Variants in SEC23IP observed in about 807,000 individuals in gnomAD.
The protein encoded by SEC23IP is SEC23-interacting protein.
Under a neutral mutation model 113.4 loss-of-function variants are expected in SEC23IP, and 70 were observed. The ratio of observed to expected loss-of-function variants is 0.62; its 90% CI spans 0.51 to 0.75. The LOEUF is 0.75. Ranked by LOEUF, SEC23IP falls within the 30% of genes least tolerant of loss-of-function variation. SEC23IP has a pLI of 0.00. For missense variants in SEC23IP, 1,160 were observed against 1,204.9 expected (o/e 0.96, Z 0.55); for synonymous variants, 398 against 421.0 (o/e 0.95, Z 0.67).
intron 5 of SEC23IP, among the ~76,000 whole-genome samples, chr10:119,910,937 G>C (rs1170922622): frequency 6.6e-6 from 1 of 151,550 alleles, no homozygotes; most frequent in Non-Finnish European, 1.5e-5. Flanking sequence ...CTCCTGCCTC[G>C]GCCTCCCAAA....
chr10:119,916,707 G>A (rs1855064063), intron 8 of SEC23IP, among the ~76,000 whole-genome samples: 1 of 151,906 alleles, frequency 6.6e-6, no homozygotes, highest in African/African-American at 2.4e-5. Flanking sequence ...CACAAGTTTT[G>A]TCAGGTGTCC....
At chr10:119,906,581 T>A (rs1221359029) in intron 4 of SEC23IP, among the ~76,000 whole-genome samples, 1 of 151,750 alleles carries the variant, frequency 6.6e-6, no homozygotes, top group Non-Finnish European at 1.5e-5. Flanking sequence ...GAAAATAATT[T>A]ATTTATTTAT....
intron 1 of SEC23IP, among the ~76,000 whole-genome samples, chr10:119,893,474 G>C (rs1395983674): frequency 6.7e-6 from 1 of 148,264 alleles, no homozygotes; most frequent in East Asian, 2.0e-4. Flanking sequence ...CTAGAAGCCT[G>C]TAATATTTGT....
Position 119,908,505 on chromosome 10 carries a change from C to T in SEC23IP, c.1102-536C>T, listed in dbSNP as rs189807134. 3.3e-5 allele frequency among the ~76,000 whole-genome samples: 5 copies of T among 152,230 alleles called. No individual in the cohort carries two copies. In the East Asian group the frequency reaches 9.6e-4, roughly 29 times the overall value. On this transcript the variant is annotated intron_variant, in intron 4 of 18. Coordinates refer to ENST00000369075, the MANE Select transcript of SEC23IP (RefSeq NM_007190.4). ...TGAGGTTTTACTGGAATAGGATGGG[C>T]CCCAAAGCCAATATAACTTGTGATG...
At position 119,942,352 on chromosome 10, in the gene SEC23IP, C is replaced by CAT. The variant is rs1238268842; in HGVS notation, c.*1788_*1789insTA. The stretch of plus-strand genomic sequence containing the variant: ...ACATACATATATATATATACACACA[C>CAT]ACATATGTATGTATGTATGTATTAC... On this transcript the variant is annotated 3_prime_UTR_variant, in exon 19 of 19. Transcript: ENST00000369075. 1 of 152,084 alleles carries CAT rather than the reference C, an allele frequency of 6.6e-6. No homozygotes were observed. The highest frequency in any genetic ancestry group is 1.9e-4 in the East Asian group (1 of 5,194). 9.4% of individuals were successfully genotyped at this position (152,084 alleles called of 1,614,324 possible). A position where few individuals can be genotyped will look rare whatever the true frequency, so the allele number is the denominator to read the frequency against.
chr10:119,910,857 CT>C (rs35235558), intron 5 of SEC23IP, among the ~76,000 whole-genome samples: 8,283 of 151,540 alleles, frequency 0.055, 423 homozygotes, highest in South Asian at 0.27. Context: ...AGTTTTAAGA[CT>C]TTTTTTTGCA....
chr10:119,893,943 T>C (rs1854187957), intron 1 of SEC23IP, among the ~76,000 whole-genome samples: 1 of 152,218 alleles, frequency 6.6e-6, no homozygotes, highest in South Asian at 2.1e-4. Flanking sequence ...AGATTGCTTT[T>C]TGATGATTAT....
rs141241257 is a variant in SEC23IP at position 119,912,109 on chromosome 10, A to G, written c.1257A>G (p.Thr419=). 36 of 1,614,046 alleles carry G rather than the reference A, an allele frequency of 2.2e-5. No homozygotes were observed. Among genetic ancestry groups the G allele is most frequent in the East Asian group, 2.2e-5 (1 of 44,896 alleles). Residue 419 remains threonine (T), a synonymous_variant, in exon 6 of 19, where the codon ACA becomes ACG. Coordinates refer to ENST00000369075, the MANE Select transcript of SEC23IP (RefSeq NM_007190.4). ...DEWGTTQDGQ[T]RPRVVKRGID... Reference sequence around the variant, plus strand: ...GGGGCACCACGCAAGATGGACAGACAAGGCCCAGGGTTGTAAAGCGTGGAA... The same window carrying G: ...GGGGCACCACGCAAGATGGACAGACGAGGCCCAGGGTTGTAAAGCGTGGAA...
At chr10:119,919,087 G>A (rs540252312) in intron 10 of SEC23IP, among the ~76,000 whole-genome samples, 5 of 149,460 alleles carry the variant, frequency 3.3e-5, no homozygotes, top group East Asian at 2.0e-4. Context: ...TCCGCCTTTC[G>A]GTTTCAAGCG....
chr10:119,935,306 C>G (rs2134536893), intron 18 of SEC23IP, among the ~76,000 whole-genome samples: 1 of 152,156 alleles, frequency 6.6e-6, no homozygotes, highest in African/African-American at 2.4e-5. Context: ...ACTAAAAATA[C>G]AAAAATTAGC....
rs1395718685 is a variant in SEC23IP at position 119,943,106 on chromosome 10, A to T, written c.*2541A>T. On this transcript the variant is annotated 3_prime_UTR_variant, in exon 19 of 19. Transcript: ENST00000369075. ...AGGTTTTTATGACTTGAGGCATCTA[A>T]CTATCTTAATGCTGTACTTTAGTGT... 1.3e-5 allele frequency: 2 copies of T among 152,214 alleles called. No homozygotes were observed. Among genetic ancestry groups the T allele is most frequent in the Non-Finnish European group, 2.9e-5 (2 of 68,042 alleles). The allele number at this position is 152,214 out of a possible 1,614,324, so 9.4% of individuals were successfully genotyped here. A position where few individuals can be genotyped will look rare whatever the true frequency, so the allele number is the denominator to read the frequency against.
intron 5 of SEC23IP, among the ~76,000 whole-genome samples, chr10:119,911,699 G>C (rs143761790): frequency 6.6e-6 from 1 of 151,874 alleles, no homozygotes; most frequent in East Asian, 1.9e-4. Context: ...TGTCTTGAAC[G>C]CCTGGGCTCA....
chr10:119,919,799 A>G (rs1363448370), intron 11 of SEC23IP, among the ~76,000 whole-genome samples: 5 of 152,200 alleles, frequency 3.3e-5, no homozygotes, highest in South Asian at 2.1e-4. Flanking sequence ...GAAGCCATCA[A>G]AGAAAAAAAT....
intron 6 of SEC23IP, 34 bp downstream of exon 6, chr10:119,912,198 T>A: frequency 6.3e-7 from 1 of 1,598,192 alleles, no homozygotes; most frequent in Non-Finnish European, 8.6e-7. Context: ...GAGGTCTGTT[T>A]TAGTCCTCTC....
chr10:119,929,526 G>T (rs572735269), intron 13 of SEC23IP, 81 bp from the exon 14 acceptor site: 10 of 1,254,630 alleles, frequency 8.0e-6, no homozygotes, highest in East Asian at 4.7e-5. Context: ...GAGCCACCAC[G>T]CCCGGCCTGA....
chr10:119,929,189 G>A (rs900555041), intron 13 of SEC23IP, among the ~76,000 whole-genome samples: 7 of 152,170 alleles, frequency 4.6e-5, no homozygotes, highest in African/African-American at 1.4e-4. Context: ...AGTATAGCCA[G>A]AGGATATAAT....
rs200228573 is a variant in SEC23IP at position 119,913,407 on chromosome 10, CTG to C, written c.1312+1245_1312+1246del. Among the ~76,000 whole-genome samples the C allele has an allele frequency of 9.7e-3, 1,483 of 152,166 alleles. 24 individuals are homozygous for C. Among genetic ancestry groups the C allele is most frequent in the African/African-American group, 0.034 (1,421 of 41,510 alleles). ...ATAGGCTTTGCAGGCCACATGGACT[CTG>C]TTACAAACTACTCAGCTTTGCTATT... On this transcript the variant is annotated intron_variant, in intron 6 of 18. Coordinates refer to ENST00000369075, the MANE Select transcript of SEC23IP (RefSeq NM_007190.4).
At position 119,929,752 on chromosome 10, in the gene SEC23IP, T is replaced by C; in HGVS notation, c.2459T>C (p.Ile820Thr). The C allele has an allele frequency of 6.3e-7, 1 of 1,584,506 alleles. No homozygotes were observed. The highest frequency in any genetic ancestry group is 8.6e-7 in the Non-Finnish European group (1 of 1,158,788). ...CCTACCTGTAAAGGGTTCTTCAATA[T>C]TTATCATCCGGTGAGTAATTGAATT... ...SLPTCKGFFNIYHPLDPVAYR... is the reference protein window; with the variant it reads ...SLPTCKGFFNTYHPLDPVAYR... The change falls in exon 14 of 19, where the codon ATT (isoleucine) becomes ACT (threonine). Residue 820 changes from isoleucine to threonine, a missense_variant. Coordinates refer to ENST00000369075, the MANE Select transcript of SEC23IP (RefSeq NM_007190.4).
chr10:119,925,991 G>T, intron 12 of SEC23IP, 45 bp from the exon 13 acceptor site: 2 of 1,514,496 alleles, frequency 1.3e-6, no homozygotes, highest in South Asian at 1.2e-5. Flanking sequence ...GCTGAGAGCT[G>T]AACTTTTTCT....
Sources: gnomAD v4.1 joint callset for allele counts (sites outside exome capture counted in the v4.1 genomes callset) on GRCh38, gnomAD v4.1.1 for gene constraint, MANE v1.5 for transcripts, NCBI Gene and HGNC (gene_info 2026-07-23, HGNC 2026-07-21) for gene names.